Variants in GEMIN7 observed in about 807,000 individuals in gnomAD.
GEMIN7 encodes gem-associated protein 7.
A neutral mutation model predicts 7.8 loss-of-function variants in GEMIN7; 7 were observed. The ratio of observed to expected loss-of-function variants is 0.90; its 90% CI spans 0.51 to 1.69. GEMIN7 has a LOEUF of 1.69. Ranked by LOEUF, GEMIN7 falls within the 40% of genes most tolerant of loss-of-function variation. The probability of loss-of-function intolerance (pLI) is 0.00; values close to 1 mark genes in which losing one functional copy is unlikely to be tolerated. For missense variants in GEMIN7, 159 were observed against 176.2 expected (o/e 0.90, Z 0.55); for synonymous variants, 68 against 72.4 (o/e 0.94, Z 0.31).
chr19:45,088,014 C>T (rs1421483391), intron 2 of GEMIN7, among the ~76,000 whole-genome samples: 1 of 146,770 alleles, frequency 6.8e-6, no homozygotes, highest in African/African-American at 2.5e-5. Context: ...GGCACAATCT[C>T]GGCTCACTGC....
intron 2 of GEMIN7, chr19:45,085,650 A>C (rs1353304481): frequency 3.3e-5 from 5 of 152,176 alleles, no homozygotes; most frequent in African/African-American, 1.2e-4. Flanking sequence ...CCTAATAAGA[A>C]AAAGGACAAG....
intron 2 of GEMIN7, among the ~76,000 whole-genome samples, chr19:45,089,131 G>A (rs923093580): frequency 2.0e-5 from 3 of 151,880 alleles, no homozygotes; most frequent in Non-Finnish European, 2.9e-5. Flanking sequence ...TGGTAGAGGC[G>A]GGGTTTCGCC....
At chr19:45,082,841 G>A (rs1043607682) in intron 2 of GEMIN7, among the ~76,000 whole-genome samples, 1 of 142,402 alleles carries the variant, frequency 7.0e-6, no homozygotes, top group Non-Finnish European at 1.5e-5. Flanking sequence ...GGCTGGTCTT[G>A]AACTCCTACG....
At chr19:45,077,542 C>T (rs1967380088), upstream of GEMIN7, among the ~76,000 whole-genome samples, 1 of 152,200 alleles carries the variant, frequency 6.6e-6, no homozygotes, top group African/African-American at 2.4e-5. Flanking sequence ...ATGCAAGCCC[C>T]CTGAGGTCAG....
In GEMIN7 at chr19:45,079,312, G is replaced by A; in HGVS notation, c.-197G>A. On this transcript the variant is annotated 5_prime_UTR_variant, in exon 1 of 3. Coordinates refer to ENST00000270257, the MANE Select transcript of GEMIN7 (RefSeq NM_024707.3). ...CAAGGTGGTGGGGGGTCGCCAGCAG[G>A]TTCCCTCTCCCCGGCCCCAGCTCTG... is the stretch of plus-strand genomic sequence containing the variant. 1 of 152,726 alleles carries A rather than the reference G, an allele frequency of 6.5e-6. No individual in the cohort carries two copies. Among genetic ancestry groups the A allele is most frequent in the Non-Finnish European group, 1.5e-5 (1 of 68,368 alleles). The allele number at this position is 152,726 out of a possible 1,614,324, so 9.5% of individuals were successfully genotyped here. A position where few individuals can be genotyped will look rare whatever the true frequency, so the allele number is the denominator to read the frequency against.
At chr19:45,084,495 C>T (rs1357229258) in intron 2 of GEMIN7, among the ~76,000 whole-genome samples, 8 of 152,100 alleles carry the variant, frequency 5.3e-5, no homozygotes, top group Non-Finnish European at 1.0e-4. Context: ...CTCTGGCTCA[C>T]GGGTTCAAGC....
rs142995609 is a variant in GEMIN7 at position 45,090,137 on chromosome 19, C to T, written c.23C>T (p.Pro8Leu). Residue 8 changes from proline to leucine, a missense_variant, in exon 3 of 3, where the codon CCC becomes CTC. Physicochemically the swap from Pro to Leu is moderately conservative, Grantham distance 98. Coordinates refer to ENST00000270257, the MANE Select transcript of GEMIN7 (RefSeq NM_024707.3). The stretch of plus-strand genomic sequence containing the variant: ...ACAATGCAAACTCCAGTGAACATTC[C>T]CGTGCCTGTGCTCCGGCTGCCCCGG... MQTPVNI[P>L]VPVLRLPRGP... is the part of the protein sequence containing the mutation. The T allele has an allele frequency of 1.2e-6, 2 of 1,613,034 alleles. No individual in the cohort carries two copies. Among genetic ancestry groups the T allele is most frequent in the Non-Finnish European group, 1.7e-6 (2 of 1,179,448 alleles).
At chr19:45,085,968 C>G (rs1317279206) in intron 2 of GEMIN7, among the ~76,000 whole-genome samples, 4 of 143,370 alleles carry the variant, frequency 2.8e-5, no homozygotes. Context: ...CCCGGGTTCA[C>G]GCCATTCTCC....
intron 2 of GEMIN7, among the ~76,000 whole-genome samples, chr19:45,088,918 A>T (rs1314874860): frequency 6.8e-6 from 1 of 148,136 alleles, no homozygotes; most frequent in African/African-American, 2.5e-5. Context: ...CTTATACTTC[A>T]TCAAACTCCC....
At chr19:45,076,065 G>A (rs370590970), upstream of GEMIN7, 87 of 1,580,200 alleles carry the variant, frequency 5.5e-5, no homozygotes, top group African/African-American at 8.9e-4. This position sits in a 1 kb window ranked among gnomAD's most constrained non-coding sequence, Gnocchi z 4.9. Flanking sequence ...CCCAGGGCCC[G>A]GGGTGCTCAC....
intron 2 of GEMIN7, among the ~76,000 whole-genome samples, chr19:45,084,536 G>A (rs936183913): frequency 2.0e-5 from 3 of 152,078 alleles, no homozygotes; most frequent in Admixed American, 2.0e-4. Context: ...CTGAGTAGTT[G>A]GGATTACAGG....
intron 2 of GEMIN7, chr19:45,085,465 A>G (rs572083951): frequency 6.6e-6 from 1 of 152,346 alleles, no homozygotes; most frequent in African/African-American, 2.4e-5. Context: ...AGAGGCTAGG[A>G]TGCTGCTCAA....
upstream of GEMIN7, chr19:45,076,086 CG>C: frequency 6.3e-7 from 1 of 1,580,326 alleles, no homozygotes; most frequent in Non-Finnish European, 8.6e-7. The surrounding 1 kb of genome is among the most constrained non-coding windows in gnomAD (Gnocchi z 4.9). Flanking sequence ...CGGGATAGTT[CG>C]GGGTCAACGG....
rs1169645273 is a variant in GEMIN7, at chr19:45,091,271, G to C, written c.*761G>C. The C allele has an allele frequency of 6.0e-6, 1 of 167,158 alleles. No homozygotes were observed. Among genetic ancestry groups the C allele is most frequent in the African/African-American group, 2.4e-5 (1 of 41,456 alleles). 10.4% of individuals were successfully genotyped at this position (167,158 alleles called of 1,614,324 possible). On this transcript the variant is annotated 3_prime_UTR_variant, in exon 3 of 3. Transcript: ENST00000270257. ...CGTTGGAGGCGAATGGTCGGACCCC[G>C]AGTGGCGGCGCCCCTGATAAAAGGC... is the stretch of plus-strand genomic sequence containing the variant.
chr19:45,089,924 G>A, intron 2 of GEMIN7, 183 bp from the exon 3 acceptor site: 1 of 600,036 alleles, frequency 1.7e-6, no homozygotes, highest in Non-Finnish European at 2.9e-6. Flanking sequence ...TTGTGCATGT[G>A]ACACTTTTGT....
Position 45,090,387 on chromosome 19 carries a change from C to T in GEMIN7, c.273C>T (p.His91=), listed in dbSNP as rs747631508. 1.9e-6 allele frequency: 3 copies of T among 1,614,184 alleles called. No homozygotes were observed. The highest frequency in any genetic ancestry group is 3.3e-5 in the Admixed American group (2 of 60,026). ...TLHEGVRVAA[H]FGATDLDVAN... ...ACGAGGGTGTGCGTGTGGCCGCCCACTTTGGAGCCACCGACCTGGATGTGG... is the reference window on the plus strand; with the variant it reads ...ACGAGGGTGTGCGTGTGGCCGCCCATTTTGGAGCCACCGACCTGGATGTGG... Residue 91 remains histidine, a synonymous_variant, in exon 3 of 3, where the codon CAC becomes CAT. Coordinates refer to ENST00000270257, the MANE Select transcript of GEMIN7 (RefSeq NM_024707.3).
At position 45,090,148 on chromosome 19, in the gene GEMIN7, C is replaced by G. The variant is rs748966005; in HGVS notation, c.34C>G (p.Leu12Val). The change falls in exon 3 of 3, where the codon CTC becomes GTC. Residue 12 changes from leucine to valine, a missense_variant. Transcript: ENST00000270257. ...TCCAGTGAACATTCCCGTGCCTGTG[C>G]TCCGGCTGCCCCGGGGCCCTGATGG... ...QTPVNIPVPV[L>V]RLPRGPDGFS... 4 of 1,613,600 alleles carry G rather than the reference C, an allele frequency of 2.5e-6. No homozygotes were observed. Among genetic ancestry groups the G allele is most frequent in the Admixed American group, 3.3e-5 (2 of 59,982 alleles).
chr19:45,076,665 A>G, upstream of GEMIN7: 1 of 285,638 alleles, frequency 3.5e-6, no homozygotes, highest in Non-Finnish European at 6.5e-6. The surrounding 1 kb of genome is among the most constrained non-coding windows in gnomAD (Gnocchi z 4.9). Context: ...CCCACAAGGC[A>G]TTGAAACAGC....
chr19:45,076,403 G>A (rs1452326759), upstream of GEMIN7: 20 of 1,226,992 alleles, frequency 1.6e-5, no homozygotes, highest in East Asian at 3.5e-5. This position sits in a 1 kb window ranked among gnomAD's most constrained non-coding sequence, Gnocchi z 4.9. Flanking sequence ...CGAGCGGGCG[G>A]GCAGGCAGGC....
Sources: gnomAD v4.1 joint callset for allele counts (sites outside exome capture counted in the v4.1 genomes callset) on GRCh38, gnomAD v4.1.1 for gene constraint, Gnocchi (gnomAD v3.1) non-coding constraint, MANE v1.5 for transcripts, NCBI Gene and HGNC (gene_info 2026-07-23, HGNC 2026-07-21) for gene names.